Variants in DOCK1 observed in about 807,000 individuals in gnomAD.
DOCK1 encodes dedicator of cytokinesis 1, also known as dedicator of cytokinesis protein 1.
A neutral mutation model predicts 262.7 loss-of-function variants in DOCK1; 138 were observed. That is an observed-to-expected ratio of 0.53 (90% CI 0.46 to 0.61). The LOEUF (loss-of-function observed/expected upper bound fraction) is 0.61. DOCK1 is among the 20% of genes least tolerant of loss of function. The pLI is 0.00. For missense variants in DOCK1, 1,908 were observed against 2,370.7 expected (o/e 0.80, Z 4.05); for synonymous variants, 866 against 867.4 (o/e 1.00, Z 0.03).
intron 23 of DOCK1, among the ~76,000 whole-genome samples, chr10:127,087,400 G>T (rs1472433599): frequency 6.6e-6 from 1 of 152,062 alleles, no homozygotes; most frequent in Admixed American, 6.6e-5. Context: ...ATTCATGCCG[G>T]GCTCAGACGC....
chr10:127,308,068 C>T (rs1367876261), intron 29 of DOCK1, among the ~76,000 whole-genome samples: 1 of 152,234 alleles, frequency 6.6e-6, no homozygotes, highest in Non-Finnish European at 1.5e-5. Flanking sequence ...CTGTTTCTGG[C>T]AGCACCATTG....
Position 127,072,383 on chromosome 10 carries a change from T to G in DOCK1, c.2445+10607T>G, listed in dbSNP as rs538354981. Among the ~76,000 whole-genome samples, 13 of 152,344 alleles carry G rather than the reference T, an allele frequency of 8.5e-5. No individual in the cohort carries two copies. The South Asian group carries it at 2.7e-3, about 32-fold the overall frequency. On this transcript the variant is annotated intron_variant, in intron 23 of 51. Coordinates refer to ENST00000623213, the MANE Select transcript of DOCK1 (RefSeq NM_001290223.2). ...TGGAGTGAGCAAGGCAGGCGTGAAC[T>G]CAGTAACCATCCCCTATGTGTATAG... is the stretch of plus-strand genomic sequence containing the variant.
chr10:126,975,892 G>A (rs1165919872), intron 2 of DOCK1, among the ~76,000 whole-genome samples: 1 of 151,984 alleles, frequency 6.6e-6, no homozygotes, highest in Non-Finnish European at 1.5e-5. Context: ...ATACCAGGAT[G>A]ACAGGAGTAA....
At chr10:127,017,410 C>T (rs1324500857) in intron 12 of DOCK1, among the ~76,000 whole-genome samples, 2 of 151,798 alleles carry the variant, frequency 1.3e-5, no homozygotes, top group Non-Finnish European at 2.9e-5. Flanking sequence ...CACAGACATA[C>T]ATACAGATAC....
intron 31 of DOCK1, among the ~76,000 whole-genome samples, chr10:127,348,494 G>A (rs958405484): frequency 6.6e-6 from 1 of 152,110 alleles, no homozygotes; most frequent in Admixed American, 6.5e-5. Context: ...CATGAATTGG[G>A]CCTCCCACAT....
intron 38 of DOCK1, among the ~76,000 whole-genome samples, chr10:127,396,938 G>C: frequency 6.6e-6 from 1 of 151,038 alleles, no homozygotes. Flanking sequence ...CGACTCCTAT[G>C]TGATCTGAGC....
intron 27 of DOCK1, among the ~76,000 whole-genome samples, chr10:127,156,513 T>C (rs184552450): frequency 6.6e-6 from 1 of 151,864 alleles, no homozygotes; most frequent in East Asian, 1.9e-4. Context: ...TTCTTCTCTT[T>C]TCTTTACTTT....
intron 38 of DOCK1, among the ~76,000 whole-genome samples, chr10:127,391,835 C>T (rs950918463): frequency 4.6e-5 from 7 of 152,118 alleles, no homozygotes; most frequent in African/African-American, 1.7e-4. Flanking sequence ...TGTCTCCACC[C>T]TTCCGCTCCT....
At chr10:127,250,140 T>A (rs2059575223) in intron 28 of DOCK1, among the ~76,000 whole-genome samples, 1 of 152,214 alleles carries the variant, frequency 6.6e-6, no homozygotes, top group Non-Finnish European at 1.5e-5. Flanking sequence ...GGTTGAATAA[T>A]AAAGTCTTCA....
chr10:127,427,868 C>G (rs556122737), intron 47 of DOCK1, among the ~76,000 whole-genome samples: 1 of 152,376 alleles, frequency 6.6e-6, no homozygotes, highest in African/African-American at 2.4e-5. Context: ...GGGTCCCAGG[C>G]CCAGCAGGGC....
intron 27 of DOCK1, among the ~76,000 whole-genome samples, chr10:127,216,345 C>T (rs1319656309): frequency 6.6e-6 from 1 of 151,698 alleles, no homozygotes; most frequent in African/African-American, 2.4e-5. Context: ...CAAACAAGCC[C>T]TCGAAACCAA....
chr10:127,296,473 C>CT (rs1304259956), intron 29 of DOCK1, among the ~76,000 whole-genome samples: 2 of 152,206 alleles, frequency 1.3e-5, no homozygotes, highest in East Asian at 3.9e-4. Flanking sequence ...TTGCTCTTCT[C>CT]TTTTTACATG....
At chr10:127,174,747 A>G (rs1892134) in intron 27 of DOCK1, among the ~76,000 whole-genome samples, 75,496 of 152,038 alleles carry the variant, frequency 0.5, 20,539 homozygotes, top group East Asian at 0.75. Context: ...TCAATTATTT[A>G]TTATAAGCAA....
chr10:127,426,091 G>A, intron 47 of DOCK1, 80 bp downstream of exon 47: 1 of 1,595,790 alleles, frequency 6.3e-7, no homozygotes, highest in Non-Finnish European at 8.5e-7. Flanking sequence ...AGCTTCCAGA[G>A]CAGAGGAACT....
intron 47 of DOCK1, among the ~76,000 whole-genome samples, chr10:127,430,515 C>T (rs889717480): frequency 5.3e-5 from 8 of 152,134 alleles, no homozygotes; most frequent in Non-Finnish European, 1.0e-4. Flanking sequence ...GCAGTTGTGT[C>T]CTTCAGTCTT....
At chr10:127,253,513 G>A (rs1031894679) in intron 28 of DOCK1, among the ~76,000 whole-genome samples, 8 of 152,154 alleles carry the variant, frequency 5.3e-5, no homozygotes, top group Admixed American at 5.2e-4. Flanking sequence ...GATTTCACCA[G>A]TGTTTTACTT....
intron 27 of DOCK1, among the ~76,000 whole-genome samples, chr10:127,238,189 T>A (rs2134658176): frequency 6.6e-6 from 1 of 152,294 alleles, no homozygotes; most frequent in African/African-American, 2.4e-5. Flanking sequence ...CCTTTGACCT[T>A]AAGGGTCCCC....
intron 29 of DOCK1, among the ~76,000 whole-genome samples, chr10:127,267,632 C>T (rs539999383): frequency 6.6e-6 from 1 of 152,204 alleles, no homozygotes. Flanking sequence ...CGCACCTCGT[C>T]GGGAGTGCCT....
chr10:127,380,025 T>C, intron 35 of DOCK1, 57 bp from the exon 36 acceptor site: 4 of 1,181,434 alleles, frequency 3.4e-6, no homozygotes, highest in South Asian at 2.7e-5. Flanking sequence ...TTATTGTGCA[T>C]GTGATACCTT....
Sources: gnomAD v4.1 joint callset for allele counts (sites outside exome capture counted in the v4.1 genomes callset) on GRCh38, gnomAD v4.1.1 for gene constraint, MANE v1.5 for transcripts, NCBI Gene and HGNC (gene_info 2026-07-23, HGNC 2026-07-21) for gene names.